The following TULP4 variants were observed in gnomAD, a reference collection of about 807,000 sequenced individuals.
The protein encoded by TULP4 is TUB like protein 4.
TULP4 carries 16 observed loss-of-function variants against 129.0 expected under a neutral mutation model. The observed-to-expected ratio is 0.12, with a 90% CI of 0.08 to 0.19. The LOEUF (loss-of-function observed/expected upper bound fraction) is 0.19. TULP4 is among the 10% of genes least tolerant of loss of function. TULP4 has a pLI of 1.00. For synonymous variants in TULP4, 998 were observed against 854.0 expected, an observed-to-expected ratio of 1.17 and a Z score of -2.94; for missense variants, 1,842 against 2,059.1, an observed-to-expected ratio of 0.89 and a Z score of 2.04.
chr6:158,376,189 T>G (rs978018277), intron 1 of TULP4, among the ~76,000 whole-genome samples: 1 of 152,218 alleles, frequency 6.6e-6, no homozygotes, highest in African/African-American at 2.4e-5. Flanking sequence ...CAGACTCAGT[T>G]ACTTAAAAAA....
chr6:158,448,684 A>T (rs1454128669), intron 3 of TULP4, among the ~76,000 whole-genome samples: 1 of 152,158 alleles, frequency 6.6e-6, no homozygotes, highest in Non-Finnish European at 1.5e-5. Context: ...CTCTCCTCCA[A>T]TCAAAAATAC....
chr6:158,242,200 G>T, intron 1 of TULP4: 1 of 1,391,604 alleles, frequency 7.2e-7, no homozygotes, highest in Non-Finnish European at 1.0e-6. Context: ...TTCTGATAAT[G>T]AATGGTGGCA....
intron 1 of TULP4, among the ~76,000 whole-genome samples, chr6:158,300,070 A>C (rs1779106281): frequency 6.6e-6 from 1 of 152,156 alleles, no homozygotes; most frequent in Admixed American, 6.6e-5. Context: ...TTGGCGTGCC[A>C]GTTTCTGAGG....
chr6:158,328,153 C>T (rs1779792890), intron 1 of TULP4, among the ~76,000 whole-genome samples: 1 of 132,526 alleles, frequency 7.5e-6, no homozygotes, highest in Non-Finnish European at 1.6e-5. Flanking sequence ...AAGAGGTAGA[C>T]CTAGTTATAT....
At chr6:158,377,528 C>T (rs1299411340) in intron 1 of TULP4, among the ~76,000 whole-genome samples, 2 of 152,184 alleles carry the variant, frequency 1.3e-5, no homozygotes, top group Non-Finnish European at 2.9e-5. Context: ...CCTAGAATTG[C>T]AGACATTTCA....
rs552202961 is a variant in TULP4 at position 158,508,911 on chromosome 6, G to A, written c.*2217G>A. The A allele has an allele frequency of 9.4e-5, 11 of 117,006 alleles. No homozygotes were observed. Among genetic ancestry groups the A allele is most frequent in the South Asian group, 8.6e-4 (3 of 3,472 alleles). 7.2% of individuals were successfully genotyped at this position (117,006 alleles called of 1,614,324 possible). A position where few individuals can be genotyped will look rare whatever the true frequency, so the allele number is the denominator to read the frequency against. On this transcript the variant is annotated 3_prime_UTR_variant, in exon 14 of 14. Transcript: ENST00000367097. ...TTTTTTTTTTTTTTTTTTTTGAGAC[G>A]GAGTCCCACTCTTGTCGCCCAACTA...
At chr6:158,360,339 GAA>G (rs1459768019) in intron 1 of TULP4, among the ~76,000 whole-genome samples, 4 of 152,096 alleles carry the variant, frequency 2.6e-5, no homozygotes, top group African/African-American at 9.7e-5. Context: ...GCCTCAAATG[GAA>G]ATGGTCGGGA....
At chr6:158,336,398 A>AT (rs1434634338) in intron 1 of TULP4, among the ~76,000 whole-genome samples, 1 of 151,682 alleles carries the variant, frequency 6.6e-6, no homozygotes, top group Non-Finnish European at 1.5e-5. Context: ...TGCTTAGTGT[A>AT]TTTTTTGCCA....
chr6:158,334,927 ATC>A (rs1779997502), intron 1 of TULP4, among the ~76,000 whole-genome samples: 1 of 152,202 alleles, frequency 6.6e-6, no homozygotes, highest in East Asian at 1.9e-4. Flanking sequence ...ACCAGACACC[ATC>A]TCTGCTGACA....
rs1780530495 is a variant in TULP4 at position 158,503,752 on chromosome 6, G to A, written c.4089G>A (p.Arg1363=). The change falls in exon 13 of 14, where the codon AGG becomes AGA. Residue 1363 remains arginine (R), a synonymous_variant. Transcript: ENST00000367097. The surrounding 1 kb of genome is among the most constrained non-coding windows in gnomAD (Gnocchi z 4.3). The part of the protein sequence containing the change: ...ITEGKVKKEA[R]TLSDFNSLIS... The stretch of plus-strand genomic sequence containing the variant: ...AGGGCAAAGTGAAGAAGGAGGCTAG[G>A]ACTTTGAGTGACTTTAATTCCCTAA... The A allele has an allele frequency of 6.2e-7, 1 of 1,614,136 alleles. No homozygotes were observed. The highest frequency in any genetic ancestry group is 2.2e-5 in the East Asian group (1 of 44,894).
intron 4 of TULP4, among the ~76,000 whole-genome samples, chr6:158,450,695 C>T (rs1265545366): frequency 6.6e-6 from 1 of 151,746 alleles, no homozygotes; most frequent in African/African-American, 2.4e-5. Flanking sequence ...TCAGCATACT[C>T]TTAGAACTCC....
intron 1 of TULP4, among the ~76,000 whole-genome samples, chr6:158,248,928 T>C (rs1219959335): frequency 6.6e-6 from 1 of 151,968 alleles, no homozygotes; most frequent in African/African-American, 2.4e-5. Flanking sequence ...GAGACCAGCC[T>C]GGGCAACATA....
chr6:158,446,168 G>T (rs1310287958), intron 3 of TULP4, among the ~76,000 whole-genome samples: 1 of 152,184 alleles, frequency 6.6e-6, no homozygotes, highest in African/African-American at 2.4e-5. Context: ...GGCATGAAAA[G>T]AACTTGTAAT....
intron 1 of TULP4, among the ~76,000 whole-genome samples, chr6:158,388,515 G>C (rs944097687): frequency 1.3e-5 from 2 of 151,448 alleles, no homozygotes; most frequent in Non-Finnish European, 2.9e-5. Context: ...AGTTTTAGTA[G>C]AGATGGGGTT....
chr6:158,478,690 A>T (rs1276781154), intron 6 of TULP4, among the ~76,000 whole-genome samples: 1 of 152,110 alleles, frequency 6.6e-6, no homozygotes, highest in African/African-American at 2.4e-5. Flanking sequence ...AAGATGAATG[A>T]TCATCAGCGC....
chr6:158,449,874 A>C (rs567914755), intron 4 of TULP4, among the ~76,000 whole-genome samples: 2 of 152,214 alleles, frequency 1.3e-5, no homozygotes, highest in East Asian at 3.9e-4. Flanking sequence ...CCCTGCACCC[A>C]TCTCTTTTAA....
chr6:158,303,852 T>G (rs1330526175), intron 1 of TULP4, among the ~76,000 whole-genome samples: 1 of 152,232 alleles, frequency 6.6e-6, no homozygotes, highest in Non-Finnish European at 1.5e-5. Context: ...GTTAAAATTG[T>G]GTAAGTGGAA....
chr6:158,258,184 G>A (rs1778281856), intron 1 of TULP4, among the ~76,000 whole-genome samples: 1 of 152,206 alleles, frequency 6.6e-6, no homozygotes, highest in South Asian at 2.1e-4. Flanking sequence ...AGGATTCTGG[G>A]CTGTCTACGG....
intron 1 of TULP4, among the ~76,000 whole-genome samples, chr6:158,332,800 C>T (rs1779942094): frequency 6.6e-6 from 1 of 152,128 alleles, no homozygotes; most frequent in East Asian, 1.9e-4. Flanking sequence ...TGTGGTGTCC[C>T]TCTAGTCCTT....
Sources: gnomAD v4.1 joint callset for allele counts (sites outside exome capture counted in the v4.1 genomes callset) on GRCh38, gnomAD v4.1.1 for gene constraint, Gnocchi (gnomAD v3.1) non-coding constraint, MANE v1.5 for transcripts, NCBI Gene and HGNC (gene_info 2026-07-23, HGNC 2026-07-21) for gene names.